The following IL1RL2 variants were observed in gnomAD, a reference collection of about 807,000 sequenced individuals.
The protein encoded by IL1RL2 is interleukin 1 receptor like 2, also known as interleukin-1 receptor-like 2.
IL1RL2 carries 68 observed loss-of-function variants against 66.8 expected under a neutral mutation model. The observed-to-expected ratio is 1.02, with a 90% CI of 0.84 to 1.25. The LOEUF (loss-of-function observed/expected upper bound fraction) is 1.25, where lower values mean the gene tolerates loss of function less well. Among genes scored for constraint, IL1RL2 ranks in the 50% most tolerant of loss-of-function variants. The probability of loss-of-function intolerance (pLI) is 0.00; values close to 1 mark genes in which losing one functional copy is unlikely to be tolerated. For missense variants in IL1RL2, 729 were observed against 709.3 expected, an observed-to-expected ratio of 1.03 and a Z score of -0.32; for synonymous variants, 305 against 264.6, an observed-to-expected ratio of 1.15 and a Z score of -1.48.
intron 5 of IL1RL2, among the ~76,000 whole-genome samples, chr2:102,204,808 C>T (rs1688565197): frequency 6.6e-6 from 1 of 151,872 alleles, no homozygotes; most frequent in South Asian, 2.1e-4. Context: ...TTCATTCAGC[C>T]ATTCTACATC....
chr2:102,233,368 C>G (rs966424146), intron 10 of IL1RL2, among the ~76,000 whole-genome samples: 1 of 152,136 alleles, frequency 6.6e-6, no homozygotes, highest in Non-Finnish European at 1.5e-5. Context: ...CAGCAGCACG[C>G]GTCTCACTTT....
Position 102,225,910 on chromosome 2 carries a change from G to T in IL1RL2, c.1004G>T (p.Arg335Leu). The change falls in exon 9 of 12, where the codon CGA becomes CTA. Residue 335 changes from arginine to leucine, a missense_variant. Transcript: ENST00000264257. Reference sequence around the variant, plus strand: ...CTGTCATTTGTAGCTCCGGATTTTCGAGCTTACTTGATAGGAGGGCTTATC... The same window carrying T: ...CTGTCATTTGTAGCTCCGGATTTTCTAGCTTACTTGATAGGAGGGCTTATC... ...IILQLPAPDF[R>L]AYLIGGLIAL... 6.4e-7 allele frequency: 1 copy of T among 1,574,394 alleles called. No individual in the cohort carries two copies. Among genetic ancestry groups the T allele is most frequent in the South Asian group, 1.2e-5 (1 of 82,246 alleles).
At chr2:102,189,902 T>C (rs772292140) in intron 3 of IL1RL2, among the ~76,000 whole-genome samples, 43 of 152,232 alleles carry the variant, frequency 2.8e-4, no homozygotes, top group Admixed American at 7.9e-4. Flanking sequence ...TCCGCCCGTC[T>C]TGGCCTCCCA....
At chr2:102,200,825 G>T (rs1304582759) in intron 4 of IL1RL2, among the ~76,000 whole-genome samples, 1 of 152,116 alleles carries the variant, frequency 6.6e-6, no homozygotes, top group African/African-American at 2.4e-5. Context: ...CTGGTCTTCT[G>T]GTTGGTTGGG....
At chr2:102,212,813 C>CA (rs1192139088) in intron 6 of IL1RL2, among the ~76,000 whole-genome samples, 1 of 151,658 alleles carries the variant, frequency 6.6e-6, no homozygotes, top group Non-Finnish European at 1.5e-5. Flanking sequence ...CTAAAAAATA[C>CA]AAAAAATTAG....
At chr2:102,194,987 C>A (rs1687544293) in intron 4 of IL1RL2, among the ~76,000 whole-genome samples, 3 of 152,136 alleles carry the variant, frequency 2.0e-5, no homozygotes, top group Admixed American at 6.5e-5. Flanking sequence ...ACCCACTCAA[C>A]TCTGTTTTGG....
At chr2:102,212,920 G>A (rs985092885) in intron 6 of IL1RL2, among the ~76,000 whole-genome samples, 4 of 152,156 alleles carry the variant, frequency 2.6e-5, no homozygotes, top group Non-Finnish European at 5.9e-5. Context: ...AGTGAGCCGA[G>A]ATCGCGCCAC....
chr2:102,195,641 CTCTCTCTT>C lies in IL1RL2; in HGVS notation c.489+3525_489+3532del, dbSNP rs1382565804. On this transcript the variant is annotated intron_variant, in intron 4 of 11. Coordinates refer to ENST00000264257, the MANE Select transcript of IL1RL2 (RefSeq NM_003854.4). ...TCTTTCTTTCTTTCTCTCTCTCTCT[CTCTCTCTT>C]TCTTTCTTTCTTTCTTTCTTTCTTT... Among the ~76,000 whole-genome samples, 127 of 31,678 alleles carry C rather than the reference CTCTCTCTT, an allele frequency of 4.0e-3. 1 individual carries two copies. Among genetic ancestry groups the C allele is most frequent in the Middle Eastern group, 0.013 (1 of 78 alleles). 20.8% of individuals were successfully genotyped at this position (31,678 alleles called of 152,430 possible). A position where few individuals can be genotyped will look rare whatever the true frequency, so the allele number is the denominator to read the frequency against.
chr2:102,241,478 A>G (rs1675230657), downstream of IL1RL2, among the ~76,000 whole-genome samples: 1 of 152,206 alleles, frequency 6.6e-6, no homozygotes, highest in African/African-American at 2.4e-5. Flanking sequence ...GGATAATACA[A>G]TGTTGGTATC....
At chr2:102,218,280 A>C (rs953337514) in intron 6 of IL1RL2, among the ~76,000 whole-genome samples, 5 of 152,216 alleles carry the variant, frequency 3.3e-5, no homozygotes, top group African/African-American at 1.2e-4. Context: ...TATATTTCAC[A>C]ATCATTTTTT....
At chr2:102,224,881 A>T (rs1690462594) in intron 8 of IL1RL2, among the ~76,000 whole-genome samples, 1 of 152,046 alleles carries the variant, frequency 6.6e-6, no homozygotes, top group Non-Finnish European at 1.5e-5. Context: ...AAATTTTTTT[A>T]AAATTAAAGT....
chr2:102,231,511 A>AAAAAT (rs59059287), intron 9 of IL1RL2, among the ~76,000 whole-genome samples: 4 of 150,374 alleles, frequency 2.7e-5, no homozygotes, highest in East Asian at 3.9e-4. Flanking sequence ...AATAAAATAA[A>AAAAAT]AAAATAAAAT....
chr2:102,221,872 G>A lies in IL1RL2; in HGVS notation c.991+1855G>A, dbSNP rs756237101. ...ATTGTGGAATATAATGCATATATGT[G>A]TTATAACATATGCACATATATGGTA... On this transcript the variant is annotated intron_variant, in intron 8 of 11. Transcript: ENST00000264257. Among the ~76,000 whole-genome samples the A allele has an allele frequency of 8.5e-5, 13 of 152,248 alleles. No individual in the cohort carries two copies. In the Middle Eastern group the frequency reaches 0.01, roughly 120 times the overall value.
At chr2:102,188,949 C>G in intron 2 of IL1RL2, 127 bp from the exon 3 acceptor site, 1 of 666,024 alleles carries the variant, frequency 1.5e-6, no homozygotes, top group South Asian at 2.0e-5. Context: ...CTTCCAGACT[C>G]AAGAAACTCC....
Position 102,192,604 on chromosome 2 carries a change from T to C in IL1RL2, c.489+484T>C, listed in dbSNP as rs537151446. On this transcript the variant is annotated intron_variant, in intron 4 of 11. Transcript: ENST00000264257. ...AGCAAATAAAAATATATAGTCTAGC[T>C]CTTTCTAGCCCTTCCTTTTTTACGC... Among the ~76,000 whole-genome samples, 5 of 152,344 alleles carry C rather than the reference T, an allele frequency of 3.3e-5. No homozygotes were observed. In the East Asian group the frequency reaches 9.6e-4, roughly 29 times the overall value.
chr2:102,188,006 C>A, intron 2 of IL1RL2, 81 bp downstream of exon 2: 10 of 1,397,730 alleles, frequency 7.2e-6, no homozygotes, highest in South Asian at 1.2e-5. Context: ...CCCCGGGGAT[C>A]GCGTCAGCCC....
intron 9 of IL1RL2, among the ~76,000 whole-genome samples, chr2:102,226,462 C>G (rs1260043681): frequency 1.3e-5 from 2 of 152,208 alleles, no homozygotes; most frequent in Non-Finnish European, 2.9e-5. Flanking sequence ...GGTTGGAGCT[C>G]TCTCTAGGCC....
chr2:102,209,982 G>A (rs930197531), intron 5 of IL1RL2, among the ~76,000 whole-genome samples: 5 of 152,144 alleles, frequency 3.3e-5, no homozygotes, highest in Non-Finnish European at 7.4e-5. Flanking sequence ...AAGGCTGAAA[G>A]GAAGGCAGAG....
At chr2:102,240,673 G>A (rs1675205808), downstream of IL1RL2, among the ~76,000 whole-genome samples, 1 of 152,098 alleles carries the variant, frequency 6.6e-6, no homozygotes, top group Non-Finnish European at 1.5e-5. Flanking sequence ...AGCCTCTCAG[G>A]CTGCTGGTCC....
Sources: allele counts gnomAD v4.1 joint callset (sites outside exome capture counted in the v4.1 genomes callset), GRCh38; gene constraint gnomAD v4.1.1; transcripts MANE v1.5; gene names NCBI Gene and HGNC (gene_info 2026-07-23, HGNC 2026-07-21).